The following ETF1 variants were observed in gnomAD, a reference collection of about 807,000 sequenced individuals.
ETF1 encodes the protein eukaryotic translation termination factor 1.
A neutral mutation model predicts 55.1 loss-of-function variants in ETF1; 4 were observed. That is an observed-to-expected ratio of 0.07 (90% confidence interval 0.04 to 0.17). The LOEUF (loss-of-function observed/expected upper bound fraction) is 0.17. Ranked by LOEUF, ETF1 falls within the 10% of genes least tolerant of loss-of-function variation. The pLI is 1.00. For synonymous variants in ETF1, 157 were observed against 182.3 expected (o/e 0.86, Z 1.12); for missense variants, 142 against 523.6 (o/e 0.27, Z 7.11).
At chr5:138,538,172 G>A (rs1251840328) in intron 2 of ETF1, among the ~76,000 whole-genome samples, 4 of 148,392 alleles carry the variant, frequency 2.7e-5, no homozygotes, top group Non-Finnish European at 5.9e-5. Flanking sequence ...TTACAGGCGT[G>A]AGCCACCACG....
At chr5:138,541,757 C>A in intron 2 of ETF1, 2 of 504,136 alleles carry the variant, frequency 4.0e-6, no homozygotes, top group Admixed American at 7.1e-5. Flanking sequence ...GTTCCAAACA[C>A]TTTTTTTTGG....
intron 3 of ETF1, among the ~76,000 whole-genome samples, chr5:138,518,203 CAAAAAAAAAA>C (rs35745884): frequency 2.5e-5 from 2 of 80,432 alleles, no homozygotes; most frequent in Non-Finnish European, 2.4e-5. Context: ...TGTCTCATCC[CAAAAAAAAAA>C]AAAAAAAAAA....
chr5:138,518,259 A>G (rs1384286533), intron 3 of ETF1, among the ~76,000 whole-genome samples: 3 of 150,680 alleles, frequency 2.0e-5, no homozygotes, highest in Non-Finnish European at 4.4e-5. Flanking sequence ...CACTCAGGCT[A>G]GTGTGCAGCA....
intron 2 of ETF1, chr5:138,541,437 G>T: frequency 1.0e-6 from 1 of 992,872 alleles, no homozygotes; most frequent in Non-Finnish European, 1.5e-6. Context: ...GCCCGTCACT[G>T]AATGGGGCCA....
rs769510937 is a variant in ETF1 at position 138,513,698 on chromosome 5, T to C, written c.411A>G (p.Thr137=). The C allele has an allele frequency of 1.9e-6, 3 of 1,598,974 alleles. No individual in the cohort carries two copies. The highest frequency in any genetic ancestry group is 1.7e-5 in the Admixed American group (1 of 59,802). Residue 137 remains threonine (T), a synonymous_variant, in exon 5 of 11, where the codon ACA becomes ACG. Coordinates refer to ENST00000360541, the MANE Select transcript of ETF1 (RefSeq NM_004730.4). ...ACTTGCTATCATCTGAAAGTAGTGC[T>C]GTAAGAGCCTGAAAAGCAAACACAA... The part of the protein sequence containing the change: ...CDNKFHTEAL[T]ALLSDDSKFG...
chr5:138,508,474 T>C (rs774740169), intron 10 of ETF1, 87 bp from the exon 11 acceptor site: 49 of 1,583,220 alleles, frequency 3.1e-5, no homozygotes, highest in Non-Finnish European at 3.9e-5. Flanking sequence ...AGGGAAGCCC[T>C]ATTCTCTTGC....
At chr5:138,528,374 C>T (rs988554090) in intron 2 of ETF1, among the ~76,000 whole-genome samples, 1 of 152,232 alleles carries the variant, frequency 6.6e-6, no homozygotes, top group Admixed American at 6.5e-5. Flanking sequence ...TACTTACTTT[C>T]CACTGCTGAT....
At chr5:138,526,713 T>A (rs1276797905) in intron 2 of ETF1, among the ~76,000 whole-genome samples, 1 of 151,942 alleles carries the variant, frequency 6.6e-6, no homozygotes, top group Non-Finnish European at 1.5e-5. Context: ...CTATTGTTTT[T>A]TTTTTGAGAT....
chr5:138,542,439 G>A lies in ETF1; in HGVS notation c.86+394C>T, dbSNP rs1278830524. Among the ~76,000 whole-genome samples the A allele has an allele frequency of 2.0e-5, 3 of 152,310 alleles. No homozygotes were observed. In the East Asian group the frequency reaches 5.8e-4, roughly 29 times the overall value. ...GAGGCCTGGCTGAGAAATGAAGGGA[G>A]AAGAGGAAATCAGGGAAGGGCCCTG... On this transcript the variant is annotated intron_variant, in intron 2 of 10. Coordinates refer to ENST00000360541, the MANE Select transcript of ETF1 (RefSeq NM_004730.4).
chr5:138,532,986 C>G (rs1387526370), intron 2 of ETF1, among the ~76,000 whole-genome samples: 7 of 151,832 alleles, frequency 4.6e-5, no homozygotes, highest in Admixed American at 4.6e-4. Context: ...GTAACCCAGG[C>G]TGGAGTACAG....
chr5:138,515,603 T>A (rs1396748318), intron 4 of ETF1, among the ~76,000 whole-genome samples: 1 of 152,174 alleles, frequency 6.6e-6, no homozygotes. Flanking sequence ...TATAACCCTC[T>A]CAGTTAAAGC....
chr5:138,535,981 G>T (rs1203201229), intron 2 of ETF1, among the ~76,000 whole-genome samples: 1 of 148,638 alleles, frequency 6.7e-6, no homozygotes, highest in Non-Finnish European at 1.5e-5. Context: ...AGTTGAAAAT[G>T]GTTTATATTA....
At chr5:138,513,797 T>G (rs1764907588) in intron 4 of ETF1, 91 bp from the exon 5 acceptor site, 7 of 1,398,914 alleles carry the variant, frequency 5.0e-6, no homozygotes, top group Non-Finnish European at 5.7e-6. Flanking sequence ...GCCCTTTCAC[T>G]CCACTCACCA....
chr5:138,539,892 G>A (rs373027601), intron 2 of ETF1, among the ~76,000 whole-genome samples: 18 of 152,272 alleles, frequency 1.2e-4, no homozygotes, highest in African/African-American at 4.3e-4. Context: ...TGACATCTTG[G>A]ACAAATTATC....
At chr5:138,518,058 C>T (rs985614347) in intron 3 of ETF1, 1 of 166,960 alleles carries the variant, frequency 6.0e-6, no homozygotes, top group Admixed American at 6.6e-5. Flanking sequence ...AAAAAGTAGC[C>T]AGGCGTGGTG....
At chr5:138,520,453 C>CT (rs1366567446) in intron 2 of ETF1, among the ~76,000 whole-genome samples, 1 of 152,160 alleles carries the variant, frequency 6.6e-6, no homozygotes, top group African/African-American at 2.4e-5. Context: ...AGTAACATAT[C>CT]TTTTTTGTCT....
At chr5:138,525,238 G>T (rs1765418267) in intron 2 of ETF1, among the ~76,000 whole-genome samples, 1 of 151,496 alleles carries the variant, frequency 6.6e-6, no homozygotes, top group Non-Finnish European at 1.5e-5. Context: ...GCTTGCTGCA[G>T]CCTCCACCTC....
chr5:138,538,194 C>A (rs767422367), intron 2 of ETF1, among the ~76,000 whole-genome samples: 2 of 141,482 alleles, frequency 1.4e-5, no homozygotes, highest in Non-Finnish European at 3.0e-5. Context: ...CCGGCCTGGG[C>A]CCCTATTATT....
In ETF1 at chr5:138,511,530, C is replaced by T. The variant is rs1201343356; in HGVS notation, c.807G>A (p.Glu269=). The change falls in exon 7 of 11, where the codon GAG becomes GAA. Residue 269 remains glutamate (E), a synonymous_variant. Coordinates refer to ENST00000360541, the MANE Select transcript of ETF1 (RefSeq NM_004730.4). ...GGENGFNQAI[E]LSTEVLSNVK... is the part of the protein sequence containing the mutation. ...CGTTGGAGAGGACTTCAGTAGATAACTCAATAGCTTGGTTGAATCCATTTT... is the reference window on the plus strand; with the variant it reads ...CGTTGGAGAGGACTTCAGTAGATAATTCAATAGCTTGGTTGAATCCATTTT... 6 of 1,613,392 alleles carry T rather than the reference C, an allele frequency of 3.7e-6. No homozygotes were observed. The African/African-American group carries it at 6.7e-5, about 18-fold the overall frequency.
Sources: gnomAD v4.1 joint callset for allele counts (sites outside exome capture counted in the v4.1 genomes callset) on GRCh38, gnomAD v4.1.1 for gene constraint, MANE v1.5 for transcripts, NCBI Gene and HGNC (gene_info 2026-07-23, HGNC 2026-07-21) for gene names.